ANKS1B: variants seen among roughly 807,000 people sequenced by gnomAD.
ANKS1B encodes ankyrin repeat and sterile alpha motif domain-containing protein 1B.
In ANKS1B, 36 loss-of-function variants were observed where a neutral mutation model predicts 148.3. The observed-to-expected ratio is 0.24, with a 90% confidence interval of 0.19 to 0.32. ANKS1B has a LOEUF of 0.32. Ranked by LOEUF, ANKS1B falls within the 10% of genes least tolerant of loss-of-function variation. The probability of loss-of-function intolerance (pLI) is 1.00; values close to 1 mark genes in which losing one functional copy is unlikely to be tolerated. For missense variants in ANKS1B, 1,157 were observed against 1,542.6 expected (o/e 0.75, Z 4.19); for synonymous variants, 542 against 560.8 (o/e 0.97, Z 0.47).
At chr12:99,707,713 T>C (rs1039296359) in intron 8 of ANKS1B, among the ~76,000 whole-genome samples, 18 of 151,936 alleles carry the variant, frequency 1.2e-4, no homozygotes, top group African/African-American at 4.4e-4. Flanking sequence ...GCTAGAATTA[T>C]AGAAGCAGGA....
intron 2 of ANKS1B, among the ~76,000 whole-genome samples, chr12:99,816,198 G>A (rs117515941): frequency 0.012 from 1,886 of 151,878 alleles, 14 homozygotes; most frequent in Middle Eastern, 0.02. Context: ...GGAGTAAAGT[G>A]GTAGCTCATT....
chr12:99,633,343 C>T (rs1464949488), intron 9 of ANKS1B, among the ~76,000 whole-genome samples: 1 of 152,130 alleles, frequency 6.6e-6, no homozygotes, highest in Non-Finnish European at 1.5e-5. Context: ...ACATCTACAA[C>T]TATCTGATCT....
chr12:98,965,126 C>T (rs1301209612), intron 17 of ANKS1B, among the ~76,000 whole-genome samples: 1 of 152,070 alleles, frequency 6.6e-6, no homozygotes, highest in African/African-American at 2.4e-5. Context: ...CCCCTGGACT[C>T]TGGAGTCAGA....
intron 3 of ANKS1B, among the ~76,000 whole-genome samples, chr12:99,809,669 T>C (rs571329080): frequency 1.3e-5 from 2 of 152,040 alleles, no homozygotes; most frequent in African/African-American, 4.8e-5. Context: ...CCTTATAATA[T>C]AGTTTATAAA....
intron 9 of ANKS1B, among the ~76,000 whole-genome samples, chr12:99,535,005 G>A (rs577815423): frequency 8.6e-5 from 13 of 152,022 alleles, no homozygotes; most frequent in African/African-American, 2.9e-4. Flanking sequence ...CACCGCGCCC[G>A]GCCCTTTTTA....
chr12:99,476,851 T>C (rs1464111432), intron 10 of ANKS1B, among the ~76,000 whole-genome samples: 1 of 152,132 alleles, frequency 6.6e-6, no homozygotes, highest in African/African-American at 2.4e-5. Context: ...ACGTGTCAAT[T>C]GGGCCTATGG....
intron 17 of ANKS1B, among the ~76,000 whole-genome samples, chr12:99,030,195 C>T (rs1409208654): frequency 2.0e-5 from 3 of 152,176 alleles, no homozygotes; most frequent in African/African-American, 4.8e-5. Context: ...GGCTGCAGTC[C>T]CTGTGCAGGC....
chr12:98,959,324 ACTT>A (rs2099867442), intron 17 of ANKS1B, among the ~76,000 whole-genome samples: 1 of 152,126 alleles, frequency 6.6e-6, no homozygotes, highest in East Asian at 1.9e-4. Flanking sequence ...TGAGCCACAG[ACTT>A]CTTCTGTACA....
intron 14 of ANKS1B, among the ~76,000 whole-genome samples, chr12:99,237,405 C>T (rs1049874240): frequency 7.9e-5 from 12 of 152,196 alleles, no homozygotes; most frequent in Admixed American, 5.9e-4. Flanking sequence ...ATGCAAATAT[C>T]TCTGTATTGG....
chr12:99,681,439 C>A (rs896432202), intron 8 of ANKS1B, among the ~76,000 whole-genome samples: 3 of 152,210 alleles, frequency 2.0e-5, no homozygotes, highest in African/African-American at 7.2e-5. Context: ...GTCCACTTCA[C>A]CCCTCTGCTA....
At chr12:99,689,543 G>A (rs1224295826) in intron 8 of ANKS1B, among the ~76,000 whole-genome samples, 3 of 152,160 alleles carry the variant, frequency 2.0e-5, no homozygotes, top group Non-Finnish European at 4.4e-5. Context: ...GGCCAAAGAA[G>A]TTATGTAGAT....
intron 22 of ANKS1B, among the ~76,000 whole-genome samples, chr12:98,785,765 A>G (rs1447861863): frequency 6.6e-6 from 1 of 152,186 alleles, no homozygotes; most frequent in Admixed American, 6.5e-5. Context: ...ACTGGTTTCT[A>G]TGACCTATCT....
At chr12:99,214,057 A>G (rs1002418243) in intron 14 of ANKS1B, among the ~76,000 whole-genome samples, 2 of 152,198 alleles carry the variant, frequency 1.3e-5, no homozygotes, top group Non-Finnish European at 2.9e-5. Context: ...AAGAAGTTTT[A>G]GAAAAATTTG....
intron 8 of ANKS1B, chr12:99,706,637 T>C (rs1042643303): frequency 1.3e-4 from 20 of 152,110 alleles, no homozygotes; most frequent in African/African-American, 4.8e-4. Flanking sequence ...TTCTAGCTAA[T>C]AGAATATGAC....
At chr12:99,827,862 A>G (rs113916068) in intron 1 of ANKS1B, among the ~76,000 whole-genome samples, 2,189 of 152,324 alleles carry the variant, frequency 0.014, 31 homozygotes, top group Middle Eastern at 0.031. Context: ...ATATACAAAT[A>G]CCACACATAA....
At chr12:99,882,596 G>T (rs1403520199) in intron 1 of ANKS1B, among the ~76,000 whole-genome samples, 1 of 152,136 alleles carries the variant, frequency 6.6e-6, no homozygotes, top group African/African-American at 2.4e-5. Flanking sequence ...TAAGCTATGA[G>T]GAAACAAAGG....
intron 17 of ANKS1B, among the ~76,000 whole-genome samples, chr12:98,865,611 T>C (rs186444970): frequency 8.0e-4 from 122 of 151,998 alleles, no homozygotes; most frequent in East Asian, 9.7e-4. Flanking sequence ...CAGGGAAAAA[T>C]AGAGCATGAA....
At chr12:99,050,589 T>C (rs1174997415) in intron 17 of ANKS1B, among the ~76,000 whole-genome samples, 5 of 152,194 alleles carry the variant, frequency 3.3e-5, no homozygotes, top group Admixed American at 6.5e-5. Context: ...TTTTCAAATT[T>C]TGACACAATG....
chr12:99,206,284 A>G (rs2082659573), intron 14 of ANKS1B, among the ~76,000 whole-genome samples: 1 of 152,178 alleles, frequency 6.6e-6, no homozygotes, highest in African/African-American at 2.4e-5. Context: ...CTTGCCTTTT[A>G]CACTTTATTA....
Sources: allele counts gnomAD v4.1 joint callset (sites outside exome capture counted in the v4.1 genomes callset), GRCh38; gene constraint gnomAD v4.1.1; transcripts MANE v1.5; gene names NCBI Gene and HGNC (gene_info 2026-07-23, HGNC 2026-07-21).